GULP1: variants seen among roughly 807,000 people sequenced by gnomAD.
The protein encoded by GULP1 is PTB domain-containing engulfment adapter protein 1.
GULP1 carries 19 observed loss-of-function variants against 40.9 expected under a neutral mutation model. The ratio of observed to expected loss-of-function variants is 0.46; its 90% confidence interval spans 0.32 to 0.68. The LOEUF (loss-of-function observed/expected upper bound fraction) is 0.68. Among genes scored for constraint, GULP1 ranks in the 30% least tolerant of loss-of-function variants. The pLI is 0.03. For missense variants in GULP1, 312 were observed against 362.2 expected (o/e 0.86, Z 1.12); for synonymous variants, 119 against 117.6 (o/e 1.01, Z -0.08).
chr2:188,431,268 C>G (rs544644740), intron 2 of GULP1, among the ~76,000 whole-genome samples: 30 of 151,882 alleles, frequency 2.0e-4, no homozygotes, highest in Middle Eastern at 3.4e-3. Context: ...TAGCATCAGG[C>G]TATAACAACA....
intron 7 of GULP1, among the ~76,000 whole-genome samples, chr2:188,557,350 T>A (rs1293083386): frequency 3.3e-5 from 5 of 152,126 alleles, no homozygotes; most frequent in African/African-American, 1.2e-4. Flanking sequence ...CAACATACAA[T>A]GGGAGTACAA....
intron 2 of GULP1, among the ~76,000 whole-genome samples, chr2:188,409,487 C>T (rs1411389172): frequency 2.0e-5 from 3 of 151,920 alleles, no homozygotes; most frequent in Non-Finnish European, 2.9e-5. Flanking sequence ...AAGGAAAAGC[C>T]CAGGACTTAA....
rs372674921 is a variant in GULP1 at position 188,383,978 on chromosome 2, T to C, written c.-45+89T>C. 8 of 152,320 alleles carry C rather than the reference T, an allele frequency of 5.3e-5. No individual in the cohort carries two copies. The East Asian group carries it at 1.2e-3, about 22-fold the overall frequency. The allele number at this position is 152,320 out of a possible 1,614,324, so 9.4% of individuals were successfully genotyped here. ...ATGCTTTTATTATGTGTTGAATGTTTAAAAATATAGTCTTTTGTTGTAAAA... is the reference window on the plus strand; with the variant it reads ...ATGCTTTTATTATGTGTTGAATGTTCAAAAATATAGTCTTTTGTTGTAAAA... On this transcript the variant is annotated intron_variant, in intron 2 of 11. Coordinates refer to ENST00000409830, the MANE Select transcript of GULP1 (RefSeq NM_016315.4).
At chr2:188,418,547 C>G (rs975469355) in intron 2 of GULP1, among the ~76,000 whole-genome samples, 4 of 152,126 alleles carry the variant, frequency 2.6e-5, no homozygotes, top group Non-Finnish European at 2.9e-5. Flanking sequence ...GCACAAGAAT[C>G]AGTTGAACCT....
intron 1 of GULP1, among the ~76,000 whole-genome samples, chr2:188,294,587 T>C (rs1362089100): frequency 6.6e-6 from 1 of 152,048 alleles, no homozygotes; most frequent in Admixed American, 6.6e-5. Flanking sequence ...GGTTAAATGG[T>C]TAAAACAAAC....
At chr2:188,304,585 A>T (rs1002386451) in intron 1 of GULP1, among the ~76,000 whole-genome samples, 4 of 152,152 alleles carry the variant, frequency 2.6e-5, no homozygotes, top group Admixed American at 2.6e-4. Context: ...TGCCAACTGG[A>T]CAGTTAGGCC....
intron 2 of GULP1, among the ~76,000 whole-genome samples, chr2:188,471,590 C>A (rs1458586734): frequency 6.6e-6 from 1 of 152,096 alleles, no homozygotes; most frequent in Non-Finnish European, 1.5e-5. Flanking sequence ...CTTTATAACA[C>A]ATTATCTTAA....
intron 1 of GULP1, among the ~76,000 whole-genome samples, chr2:188,372,263 G>T (rs2047696124): frequency 6.6e-6 from 1 of 152,050 alleles, no homozygotes; most frequent in South Asian, 2.1e-4. Context: ...ACCTCCTATG[G>T]CTAGTACTAG....
chr2:188,449,200 C>T (rs2058639613), intron 2 of GULP1, among the ~76,000 whole-genome samples: 1 of 152,092 alleles, frequency 6.6e-6, no homozygotes, highest in Admixed American at 6.5e-5. Context: ...CCCCATTTTT[C>T]CCACCCTTGC....
chr2:188,346,911 C>T lies in GULP1; in HGVS notation c.-171-36852C>T, dbSNP rs1275842635. Among the ~76,000 whole-genome samples the T allele has an allele frequency of 2.0e-5, 3 of 149,716 alleles. No homozygotes were observed. The Admixed American group carries it at 2.0e-4, about 10-fold the overall frequency. On this transcript the variant is annotated intron_variant, in intron 1 of 11. Coordinates refer to ENST00000409830, the MANE Select transcript of GULP1 (RefSeq NM_016315.4). The stretch of plus-strand genomic sequence containing the variant: ...GCTGGAACCCGGGAGGCAGAGCTTG[C>T]AGTGAGCCGAGATCGTGCCACTGTA...
At chr2:188,571,127 A>G (rs936025358) in intron 9 of GULP1, among the ~76,000 whole-genome samples, 2 of 152,212 alleles carry the variant, frequency 1.3e-5, no homozygotes, top group African/African-American at 4.8e-5. Context: ...ACTCCACTGC[A>G]GCCTGGGTGA....
In GULP1 at chr2:188,488,666, G is replaced by A. The variant is rs189317227; in HGVS notation, c.90+5174G>A. Among the ~76,000 whole-genome samples the A allele has an allele frequency of 3.3e-5, 5 of 152,124 alleles. No individual in the cohort carries two copies. The East Asian group carries it at 9.7e-4, about 29-fold the overall frequency. ...TGACCACTCTGAAAGGTTCTATGGG[G>A]AAGGAATGCTTTTTCCTGAAGCACA... is the stretch of plus-strand genomic sequence containing the variant. On this transcript the variant is annotated intron_variant, in intron 4 of 11. Coordinates refer to ENST00000409830, the MANE Select transcript of GULP1 (RefSeq NM_016315.4).
At chr2:188,525,422 TAA>T (rs367968560) in intron 5 of GULP1, among the ~76,000 whole-genome samples, 382 of 152,080 alleles carry the variant, frequency 2.5e-3, no homozygotes, top group African/African-American at 8.2e-3. Context: ...CAACAACAAA[TAA>T]AACAAATTTT....
At chr2:188,559,506 C>T (rs924938231) in intron 7 of GULP1, among the ~76,000 whole-genome samples, 2 of 152,176 alleles carry the variant, frequency 1.3e-5, no homozygotes, top group Non-Finnish European at 2.9e-5. Context: ...AGCCCCCATA[C>T]AGAGTCCCCA....
chr2:188,428,942 AAAGAT>A (rs1488320610), intron 2 of GULP1, among the ~76,000 whole-genome samples: 1 of 152,174 alleles, frequency 6.6e-6, no homozygotes, highest in Non-Finnish European at 1.5e-5. Flanking sequence ...GTTTTAAACA[AAAGAT>A]AAGCACTGCC....
At chr2:188,315,718 C>G (rs184368508) in intron 1 of GULP1, among the ~76,000 whole-genome samples, 1 of 152,132 alleles carries the variant, frequency 6.6e-6, no homozygotes, top group Admixed American at 6.6e-5. Context: ...ATGTTTTTTC[C>G]TGTACATACC....
At chr2:188,391,310 G>A (rs943406262) in intron 2 of GULP1, among the ~76,000 whole-genome samples, 1 of 152,044 alleles carries the variant, frequency 6.6e-6, no homozygotes, top group African/African-American at 2.4e-5. Context: ...TCTCTTTGTA[G>A]AGATCTTTCA....
chr2:188,407,578 C>A (rs1381353240), intron 2 of GULP1, among the ~76,000 whole-genome samples: 1 of 152,058 alleles, frequency 6.6e-6, no homozygotes, highest in South Asian at 2.1e-4. Context: ...TTTAAAATAG[C>A]CTCTTTTAAC....
At chr2:188,365,207 G>C (rs1054461070) in intron 1 of GULP1, among the ~76,000 whole-genome samples, 2 of 152,126 alleles carry the variant, frequency 1.3e-5, no homozygotes, top group Non-Finnish European at 2.9e-5. Context: ...GCTGTGTGCT[G>C]GTATGGCAGT....
Sources: allele counts gnomAD v4.1 joint callset (sites outside exome capture counted in the v4.1 genomes callset), GRCh38; gene constraint gnomAD v4.1.1; transcripts MANE v1.5; gene names NCBI Gene and HGNC (gene_info 2026-07-23, HGNC 2026-07-21).